SLC10A6: variants seen among roughly 807,000 people sequenced by gnomAD.
SLC10A6 encodes the protein solute carrier family 10 member 6, also known as sodium-dependent organic anion transporter.
A neutral mutation model predicts 30.0 loss-of-function variants in SLC10A6; 27 were observed. That is an observed-to-expected ratio of 0.90 (90% CI 0.66 to 1.24). The LOEUF (loss-of-function observed/expected upper bound fraction) is 1.24, where lower values mean the gene tolerates loss of function less well. Ranked by LOEUF, SLC10A6 falls within the 50% of genes most tolerant of loss-of-function variation. The pLI, the probability that SLC10A6 is intolerant of heterozygous loss-of-function variation, is 0.00. For synonymous variants in SLC10A6, 166 were observed against 173.8 expected (o/e 0.95, Z 0.36); for missense variants, 439 against 457.0 (o/e 0.96, Z 0.36).
At chr4:86,827,673 C>T (rs1010408698) in intron 4 of SLC10A6, among the ~76,000 whole-genome samples, 7 of 152,148 alleles carry the variant, frequency 4.6e-5, no homozygotes, top group Non-Finnish European at 7.4e-5. Context: ...TGGTGTATTT[C>T]TTCCAGTATA....
intron 1 of SLC10A6, among the ~76,000 whole-genome samples, chr4:86,837,318 G>GA (rs1746215674): frequency 6.8e-6 from 1 of 147,594 alleles, no homozygotes; most frequent in Non-Finnish European, 1.5e-5. Flanking sequence ...AGGAAGGAAG[G>GA]AAGGAAGGAA....
At chr4:86,829,428 A>G (rs143274394) in intron 3 of SLC10A6, among the ~76,000 whole-genome samples, 2 of 152,284 alleles carry the variant, frequency 1.3e-5, no homozygotes, top group Admixed American at 6.5e-5. Flanking sequence ...AATGAAAGAA[A>G]GAAAGCCTCT....
At chr4:86,825,648 A>G (rs746228079) in intron 4 of SLC10A6, 71 bp from the exon 5 acceptor site, 32 of 1,422,392 alleles carry the variant, frequency 2.2e-5, no homozygotes, top group Non-Finnish European at 3.0e-5. Flanking sequence ...TCTCATATGC[A>G]TCATAACAAT....
At chr4:86,829,879 G>A (rs1376483334) in intron 3 of SLC10A6, among the ~76,000 whole-genome samples, 2 of 152,190 alleles carry the variant, frequency 1.3e-5, no homozygotes, top group Non-Finnish European at 2.9e-5. Context: ...GTAAAAAAAT[G>A]TATCTGGTTT....
intron 1 of SLC10A6, among the ~76,000 whole-genome samples, chr4:86,833,873 C>T (rs1198200190): frequency 1.3e-5 from 2 of 152,146 alleles, no homozygotes; most frequent in African/African-American, 4.8e-5. Context: ...ACTCCCCAAT[C>T]CCTCCTTCCC....
Position 86,825,462 on chromosome 4 carries a change from A to C in SLC10A6, c.877T>G (p.Tyr293Asp). ...LVQMLSFPLAYGLFQLIDGFL... is the reference protein window; with the variant it reads ...LVQMLSFPLADGLFQLIDGFL... ...CCATCTATCAGCTGGAAGAGTCCAT[A>C]GGCCAGTGGGAAACTCAACATCTGG... The change falls in exon 5 of 6, where the codon TAT becomes GAT. Residue 293 changes from tyrosine (Y) to aspartate (D), a missense_variant. Physicochemically the swap from Tyr to Asp is radical, Grantham distance 160 (BLOSUM62 -3). Coordinates refer to ENST00000273905, the MANE Select transcript of SLC10A6 (RefSeq NM_197965.3). 6.2e-7 allele frequency: 1 copy of C among 1,611,844 alleles called. No individual in the cohort carries two copies. Among genetic ancestry groups the C allele is most frequent in the Non-Finnish European group, 8.5e-7 (1 of 1,178,180 alleles).
At chr4:86,837,343 A>AAGGAAGGAAGGAAGGAAGGAAGGAAGGC (rs58692864) in intron 1 of SLC10A6, among the ~76,000 whole-genome samples, 12 of 102,988 alleles carry the variant, frequency 1.2e-4, no homozygotes, top group Admixed American at 1.9e-4. Context: ...GGAAGGAAGG[A>AAGGAAGGAAGGAAGGAAGGAAGGAAGGC]AGGCAGGCAG....
intron 1 of SLC10A6, among the ~76,000 whole-genome samples, chr4:86,836,687 T>C (rs1390405507): frequency 6.6e-6 from 1 of 152,212 alleles, no homozygotes; most frequent in Non-Finnish European, 1.5e-5. Flanking sequence ...AATTACTATA[T>C]TGTTATTACA....
At position 86,823,914 on chromosome 4, in the gene SLC10A6, A is replaced by G; in HGVS notation, c.920-12T>C. On this transcript the variant is annotated splice_polypyrimidine_tract_variant and intron_variant, in intron 5 of 5. Transcript: ENST00000273905. ...GTACGTCTGATATGCTAGGTGTTAAAACATACAAGTATTAACAATCACTTT... is the reference window on the plus strand; with the variant it reads ...GTACGTCTGATATGCTAGGTGTTAAGACATACAAGTATTAACAATCACTTT... 4 of 1,586,912 alleles carry G rather than the reference A, an allele frequency of 2.5e-6. No individual in the cohort carries two copies. Among genetic ancestry groups the G allele is most frequent in the Non-Finnish European group, 3.4e-6 (4 of 1,164,820 alleles).
chr4:86,848,717 G>T, intron 1 of SLC10A6, 22 bp downstream of exon 1: 1 of 1,547,610 alleles, frequency 6.5e-7, no homozygotes, highest in Non-Finnish European at 8.7e-7. Context: ...ACAGACTGCT[G>T]AGCTTCCCTG....
rs746536361 is a variant in SLC10A6, at chr4:86,849,293, T to C, written c.-178A>G. ...ATCAATTTTTTCACAAGTGGCATTA[T>C]AAAAGTAATTATCACAGGCATGAAA... is the stretch of plus-strand genomic sequence containing the variant. On this transcript the variant is annotated 5_prime_UTR_variant, in exon 1 of 6. Transcript: ENST00000273905. 133 of 679,040 alleles carry C rather than the reference T, an allele frequency of 2.0e-4. No individual in the cohort carries two copies. Among genetic ancestry groups the C allele is most frequent in the Non-Finnish European group, 2.9e-4 (120 of 409,514 alleles). The allele number at this position is 679,040 out of a possible 1,614,324, so 42.1% of individuals were successfully genotyped here.
intron 2 of SLC10A6, among the ~76,000 whole-genome samples, chr4:86,832,603 C>A (rs867827503): frequency 0.011 from 1,633 of 145,800 alleles, 36 homozygotes; most frequent in African/African-American, 0.04. Flanking sequence ...AAAAAAAAAA[C>A]AAAAAAACAT....
intron 1 of SLC10A6, chr4:86,837,567 C>A (rs1276599008): frequency 6.1e-6 from 6 of 983,976 alleles, no homozygotes; most frequent in African/African-American, 1.7e-5. Context: ...AAATATTCAA[C>A]CTTACCCCAC....
At chr4:86,847,159 G>A (rs1252112490) in intron 1 of SLC10A6, among the ~76,000 whole-genome samples, 2 of 152,130 alleles carry the variant, frequency 1.3e-5, no homozygotes, top group African/African-American at 4.8e-5. Flanking sequence ...TGCCATACTG[G>A]TTTGTAGCAT....
chr4:86,837,517 G>C (rs1312572823), intron 1 of SLC10A6: 1 of 820,450 alleles, frequency 1.2e-6, no homozygotes, highest in Non-Finnish European at 1.5e-6. Context: ...CCAAATGAAG[G>C]CTAAAAGCCA....
intron 1 of SLC10A6, among the ~76,000 whole-genome samples, chr4:86,845,289 G>A (rs1023594382): frequency 1.3e-5 from 2 of 152,156 alleles, no homozygotes; most frequent in Non-Finnish European, 2.9e-5. Flanking sequence ...AACAACATGG[G>A]CAAAAGAAAG....
In SLC10A6 at chr4:86,848,868, G is replaced by A. The variant is rs140433007; in HGVS notation, c.248C>T (p.Ala83Val). The change falls in exon 1 of 6, where the codon GCT becomes GTT. Residue 83 changes from alanine to valine, a missense_variant. By Grantham distance (64) the Ala-to-Val change is moderately conservative (BLOSUM62 0). Coordinates refer to ENST00000273905, the MANE Select transcript of SLC10A6 (RefSeq NM_197965.3). ...AGAAAAGCTAATGGCCAGGAGATAA[G>A]CTGTAAAAGGCATGAGCCCAAACTG... Reference protein sequence around the residue: ...LCQFGLMPFTAYLLAISFSLK... With the variant: ...LCQFGLMPFTVYLLAISFSLK... 6.2e-7 allele frequency: 1 copy of A among 1,614,238 alleles called. No homozygotes were observed. Among genetic ancestry groups the A allele is most frequent in the Non-Finnish European group, 8.5e-7 (1 of 1,180,046 alleles).
chr4:86,841,879 C>T (rs1746295791), intron 1 of SLC10A6, among the ~76,000 whole-genome samples: 1 of 152,090 alleles, frequency 6.6e-6, no homozygotes, highest in African/African-American at 2.4e-5. Flanking sequence ...CAGATTTGAC[C>T]CTAGAATAGA....
intron 1 of SLC10A6, among the ~76,000 whole-genome samples, chr4:86,837,174 G>A (rs1321320654): frequency 6.7e-6 from 1 of 148,164 alleles, no homozygotes; most frequent in Admixed American, 6.8e-5. Context: ...CTAAACCAGG[G>A]AGAGGAAGAA....
Sources: gnomAD v4.1 joint callset for allele counts (sites outside exome capture counted in the v4.1 genomes callset) on GRCh38, gnomAD v4.1.1 for gene constraint, MANE v1.5 for transcripts, NCBI Gene and HGNC (gene_info 2026-07-23, HGNC 2026-07-21) for gene names.